The following ANAPC7 variants were observed in gnomAD, a reference collection of about 807,000 sequenced individuals.
ANAPC7 encodes anaphase-promoting complex subunit 7.
Under a neutral mutation model 63.3 loss-of-function variants are expected in ANAPC7, and 25 were observed. That is an observed-to-expected ratio of 0.39 (90% CI 0.29 to 0.55). The LOEUF is 0.55. Ranked by LOEUF, ANAPC7 falls within the 20% of genes least tolerant of loss-of-function variation. The pLI is 0.57. For synonymous variants in ANAPC7, 241 were observed against 251.7 expected, an observed-to-expected ratio of 0.96 and a Z score of 0.40; for missense variants, 516 against 691.7, an observed-to-expected ratio of 0.75 and a Z score of 2.85.
At chr12:110,385,160 G>A (rs975915424) in intron 6 of ANAPC7, among the ~76,000 whole-genome samples, 1 of 152,030 alleles carries the variant, frequency 6.6e-6, no homozygotes, top group Admixed American at 6.6e-5. Context: ...CCAGCTACTC[G>A]GGAGGCTGAG....
intron 1 of ANAPC7, 71 bp from the exon 2 acceptor site, chr12:110,396,523 T>C (rs916955099): frequency 7.9e-7 from 1 of 1,268,212 alleles, no homozygotes; most frequent in South Asian, 1.5e-5. Flanking sequence ...CTTCTTTTTT[T>C]TTTTTGAAAT....
chr12:110,375,225 C>T (rs1204701739), intron 10 of ANAPC7, among the ~76,000 whole-genome samples: 1 of 152,176 alleles, frequency 6.6e-6, no homozygotes, highest in Non-Finnish European at 1.5e-5. Flanking sequence ...AGGGCTCCTG[C>T]CCTCTGGACT....
intron 6 of ANAPC7, among the ~76,000 whole-genome samples, chr12:110,383,929 G>A (rs1169202914): frequency 2.0e-5 from 3 of 148,226 alleles, no homozygotes; most frequent in Admixed American, 6.8e-5. Context: ...AGGGCCAGGC[G>A]CGGTGGCTCA....
rs565016469 is a variant in ANAPC7, at chr12:110,386,163, G to A, written c.817+164C>T. Among the ~76,000 whole-genome samples the A allele has an allele frequency of 1.1e-4, 17 of 152,270 alleles. No individual in the cohort carries two copies. The South Asian group carries it at 2.7e-3, about 24-fold the overall frequency. On this transcript the variant is annotated intron_variant, in intron 6 of 10. Coordinates refer to ENST00000455511, the MANE Select transcript of ANAPC7 (RefSeq NM_016238.3). Reference sequence around the variant, plus strand: ...GCTGCTCAAATGGTATTACCTAAGCGTTAGAGACATGTGTCATGACCTAAA... The same window carrying A: ...GCTGCTCAAATGGTATTACCTAAGCATTAGAGACATGTGTCATGACCTAAA...
In ANAPC7 at chr12:110,381,953, A is replaced by AT; in HGVS notation, c.936-6_936-5insA. The AT allele has an allele frequency of 1.7e-4, 101 of 598,876 alleles. No individual in the cohort carries two copies. The highest frequency in any genetic ancestry group is 5.4e-4 in the Middle Eastern group (1 of 1,850). The allele number at this position is 598,876 out of a possible 1,614,324, so 37.1% of individuals were successfully genotyped here. A position where few individuals can be genotyped will look rare whatever the true frequency, so the allele number is the denominator to read the frequency against. On this transcript the variant is annotated splice_polypyrimidine_tract_variant and splice_region_variant and intron_variant, in intron 7 of 10. Transcript: ENST00000455511. ...TTGCTATAGAAGCTGTGACAGCTGGAGAAAAAAAAAAAAAAAAAAACACAA... is the reference window on the plus strand; with the variant it reads ...TTGCTATAGAAGCTGTGACAGCTGGATGAAAAAAAAAAAAAAAAAAACACAA...
rs1880961846 is a variant in ANAPC7, at chr12:110,372,946, A to G, written c.*1198T>C. The G allele has an allele frequency of 6.6e-6, 1 of 152,240 alleles. No homozygotes were observed. The highest frequency in any genetic ancestry group is 6.5e-5 in the Admixed American group (1 of 15,280). 9.4% of individuals were successfully genotyped at this position (152,240 alleles called of 1,614,324 possible). A position where few individuals can be genotyped will look rare whatever the true frequency, so the allele number is the denominator to read the frequency against. ...TGCAGTTATCAGATGTTCTGAGCTC[A>G]TTAACTACTGTACACTTACAGTTTT... On this transcript the variant is annotated 3_prime_UTR_variant, in exon 11 of 11. Coordinates refer to ENST00000455511, the MANE Select transcript of ANAPC7 (RefSeq NM_016238.3).
At chr12:110,393,014 C>T (rs1592921650) in intron 3 of ANAPC7, among the ~76,000 whole-genome samples, 1 of 152,100 alleles carries the variant, frequency 6.6e-6, no homozygotes, top group Non-Finnish European at 1.5e-5. Flanking sequence ...AAGCTGGTCT[C>T]GAACTCCCAA....
intron 1 of ANAPC7, among the ~76,000 whole-genome samples, chr12:110,398,866 A>G (rs888259246): frequency 1.3e-5 from 2 of 152,022 alleles, no homozygotes; most frequent in Admixed American, 1.3e-4. Flanking sequence ...AATCACTTGA[A>G]TCTGGGAGGC....
chr12:110,376,518 G>GT (rs1287997574), intron 9 of ANAPC7, among the ~76,000 whole-genome samples: 2 of 130,034 alleles, frequency 1.5e-5, no homozygotes, highest in African/African-American at 6.2e-5. Flanking sequence ...GCAGTGAGCC[G>GT]TGATTGTGCC....
intron 1 of ANAPC7, 86 bp downstream of exon 1, chr12:110,403,441 C>A: frequency 6.9e-7 from 1 of 1,448,332 alleles, no homozygotes; most frequent in East Asian, 2.5e-5. Flanking sequence ...CGCTCCTTCC[C>A]GCCTGTTCCC....
At chr12:110,403,291 C>T (rs1031839415) in intron 1 of ANAPC7, among the ~76,000 whole-genome samples, 3 of 152,184 alleles carry the variant, frequency 2.0e-5, no homozygotes, top group African/African-American at 7.2e-5. Context: ...GAGCCTCTGC[C>T]TTCTATGTCT....
chr12:110,387,916 A>G, intron 4 of ANAPC7, 24 bp from the exon 5 acceptor site: 1 of 1,610,486 alleles, frequency 6.2e-7, no homozygotes, highest in South Asian at 1.1e-5. Flanking sequence ...AAGCAGAAGA[A>G]AGAAAGTAAG....
rs932348820 is a variant in ANAPC7 at position 110,391,062 on chromosome 12, C to T, written c.409-2439G>A. 2.0e-5 allele frequency among the ~76,000 whole-genome samples: 3 copies of T among 152,110 alleles called. No individual in the cohort carries two copies. In the East Asian group the frequency reaches 5.8e-4, roughly 29 times the overall value. On this transcript the variant is annotated intron_variant, in intron 3 of 10. Coordinates refer to ENST00000455511, the MANE Select transcript of ANAPC7 (RefSeq NM_016238.3). ...AAAATTAGGCAGGTGCAGCGGTACG[C>T]GCCTGTAGTACCAGCTACTCAGGAG...
intron 3 of ANAPC7, among the ~76,000 whole-genome samples, chr12:110,389,919 G>C (rs551848139): frequency 6.6e-6 from 1 of 151,190 alleles, no homozygotes. Flanking sequence ...GAGACAGAGC[G>C]AGACTCCGTC....
chr12:110,395,445 C>T (rs1883489657), intron 2 of ANAPC7, among the ~76,000 whole-genome samples: 1 of 151,844 alleles, frequency 6.6e-6, no homozygotes, highest in African/African-American at 2.4e-5. Context: ...CTTCTGAGTA[C>T]TACAGGTATG....
rs1199364406 is a variant in ANAPC7 at position 110,373,371 on chromosome 12, C to A, written c.*773G>T. 1 of 152,180 alleles carries A rather than the reference C, an allele frequency of 6.6e-6. No homozygotes were observed. The highest frequency in any genetic ancestry group is 1.5e-5 in the Non-Finnish European group (1 of 68,038). The allele number at this position is 152,180 out of a possible 1,614,324, so 9.4% of individuals were successfully genotyped here. A position where few individuals can be genotyped will look rare whatever the true frequency, so the allele number is the denominator to read the frequency against. ...GCTCCCAACACCAGGGGAAGAAAGT[C>A]TATTTCTGGCAAATAATTCTGGGGC... On this transcript the variant is annotated 3_prime_UTR_variant, in exon 11 of 11. Coordinates refer to ENST00000455511, the MANE Select transcript of ANAPC7 (RefSeq NM_016238.3).
intron 1 of ANAPC7, among the ~76,000 whole-genome samples, chr12:110,401,189 C>G (rs569061916): frequency 2.6e-5 from 4 of 152,342 alleles, no homozygotes; most frequent in African/African-American, 9.6e-5. Flanking sequence ...AATACATCTA[C>G]AGAGTAAAAG....
intron 3 of ANAPC7, among the ~76,000 whole-genome samples, chr12:110,392,281 T>A (rs1197772179): frequency 6.6e-6 from 1 of 152,116 alleles, no homozygotes; most frequent in Non-Finnish European, 1.5e-5. Context: ...TAATAAACTT[T>A]CAAGTGTTTT....
intron 7 of ANAPC7, among the ~76,000 whole-genome samples, chr12:110,382,458 AAAAATATATATATAT>A (rs1258034922): frequency 1.2e-5 from 1 of 80,490 alleles, no homozygotes; most frequent in Non-Finnish European, 2.5e-5. Context: ...AAAAAAAAAA[AAAAATATATATATAT>A]ATATATATAT....
Sources: gnomAD v4.1 joint callset for allele counts (sites outside exome capture counted in the v4.1 genomes callset) on GRCh38, gnomAD v4.1.1 for gene constraint, MANE v1.5 for transcripts, NCBI Gene and HGNC (gene_info 2026-07-23, HGNC 2026-07-21) for gene names.